Variants in ANKRD35 observed in about 807,000 individuals in gnomAD.
ANKRD35 encodes ankyrin repeat domain-containing protein 35.
Under a neutral mutation model 109.9 loss-of-function variants are expected in ANKRD35, and 102 were observed. The ratio of observed to expected loss-of-function variants is 0.93; its 90% CI spans 0.79 to 1.09. The LOEUF (loss-of-function observed/expected upper bound fraction) is 1.09, where lower values mean the gene tolerates loss of function less well. ANKRD35 is among the 50% of genes least tolerant of loss of function. The pLI is 0.00. For missense variants in ANKRD35, 1,240 were observed against 1,230.1 expected (o/e 1.01, Z -0.12); for synonymous variants, 515 against 512.4 (o/e 1.01, Z -0.07).
chr1:145,867,902 G>C, intron 12 of ANKRD35, 89 bp downstream of exon 12: 1 of 1,291,858 alleles, frequency 7.7e-7, no homozygotes, highest in Non-Finnish European at 1.1e-6. Context: ...GTGTGTACAG[G>C]GACCCTGGAG....
At chr1:145,879,762 G>A (rs1383498036) in intron 1 of ANKRD35, among the ~76,000 whole-genome samples, 1 of 152,172 alleles carries the variant, frequency 6.6e-6, no homozygotes, top group Non-Finnish European at 1.5e-5. Flanking sequence ...TCTTGCTGGA[G>A]CAAATGGAAC....
chr1:145,871,163 T>C (rs1570794562), intron 10 of ANKRD35, among the ~76,000 whole-genome samples: 2 of 117,468 alleles, frequency 1.7e-5, no homozygotes, highest in Admixed American at 8.8e-5. Context: ...CTTTTTTTTT[T>C]TTTTTTTTTT....
Position 145,875,007 on chromosome 1 carries a change from C to A in ANKRD35, c.561-1G>T. 2.5e-6 allele frequency: 4 copies of A among 1,595,130 alleles called. No individual in the cohort carries two copies. Among genetic ancestry groups the A allele is most frequent in the Non-Finnish European group, 3.4e-6 (4 of 1,170,380 alleles). On this transcript the variant is annotated splice_acceptor_variant, in intron 7 of 13. Coordinates refer to ENST00000355594, the MANE Select transcript of ANKRD35 (RefSeq NM_144698.5). LOFTEE classifies it high-confidence loss of function. ...CTCACAGGCCAGGATCAAAGCCGAT[C>A]TGTGGGTTGAGACAAATCTGAGCAC...
intron 13 of ANKRD35, 126 bp downstream of exon 13, chr1:145,867,161 T>C: frequency 1.6e-6 from 1 of 636,056 alleles, no homozygotes; most frequent in Non-Finnish European, 2.8e-6. Flanking sequence ...TCAAATGCTC[T>C]ATGCCCCAAA....
chr1:145,873,016 CCTT>C lies in ANKRD35; in HGVS notation c.1750_1752del (p.Lys584del), dbSNP rs782067638. Reference sequence around the variant, plus strand: ...CCTTGAGCCCCAGGAACCCTTTTCTCCTTCTCTTCATCCTGTTTGATGCTCCCT... The same window carrying C: ...CCTTGAGCCCCAGGAACCCTTTTCTCCTCTTCATCCTGTTTGATGCTCCCT... On this transcript the variant is annotated inframe_deletion, in exon 10 of 14. Coordinates refer to ENST00000355594, the MANE Select transcript of ANKRD35 (RefSeq NM_144698.5). 6.8e-6 allele frequency: 11 copies of C among 1,610,884 alleles called. No individual in the cohort carries two copies. In the African/African-American group the frequency reaches 9.4e-5, roughly 14 times the overall value.
At position 145,876,229 on chromosome 1, in the gene ANKRD35, C is replaced by T; in HGVS notation, c.471G>A (p.Leu157=). Residue 157 remains leucine, a synonymous_variant, in exon 7 of 14, where the codon CTG becomes CTA. Transcript: ENST00000355594. The part of the protein sequence containing the change: ...DVLDNDGRTP[L]MIASLGGHAA... The stretch of plus-strand genomic sequence containing the variant: ...CGTGCCCACCCAGCGATGCGATCAT[C>T]AGGGGTGTACGTCCATCCTGCACAG... The T allele has an allele frequency of 6.2e-7, 1 of 1,613,836 alleles. No homozygotes were observed. Among genetic ancestry groups the T allele is most frequent in the Non-Finnish European group, 8.5e-7 (1 of 1,179,886 alleles).
At chr1:145,869,640 G>A (rs1481720469) in intron 10 of ANKRD35, among the ~76,000 whole-genome samples, 6 of 151,682 alleles carry the variant, frequency 4.0e-5, no homozygotes, top group Admixed American at 1.3e-4. Flanking sequence ...GCTAATTTTT[G>A]TATTTTTTTG....
chr1:145,881,777 A>G (rs1654294828), intron 1 of ANKRD35, among the ~76,000 whole-genome samples: 1 of 152,158 alleles, frequency 6.6e-6, no homozygotes, highest in African/African-American at 2.4e-5. Context: ...TGTCTGTCAC[A>G]TAGTAGATGC....
chr1:145,872,639 T>G lies in ANKRD35; in HGVS notation c.2130A>C (p.Ala710=), dbSNP rs1259488016. The G allele has an allele frequency of 1.9e-6, 3 of 1,613,954 alleles. No homozygotes were observed. Among genetic ancestry groups the G allele is most frequent in the Non-Finnish European group, 2.5e-6 (3 of 1,179,988 alleles). ...GLRGLWDCLP[A]DLVGERSAQS... is the part of the protein sequence containing the mutation. ...GTGCACTCCTCTCGCCCACTAGGTC[T>G]GCGGGCAGGCAGTCCCACAGCCCTC... The change falls in exon 10 of 14, where the codon GCA becomes GCC. Residue 710 remains alanine (A), a synonymous_variant. Transcript: ENST00000355594.
chr1:145,868,324 G>T lies in ANKRD35; in HGVS notation c.2864C>A (p.Ala955Asp). The part of the protein sequence containing the change: ...LAIRGENARL[A>D]LQLQDSQKNH... ...GCCAAAACATACCTGCAGCTGCAGG[G>T]CAAGGCGAGCATTTTCTCCCCGAAT... Residue 955 changes from alanine (A) to aspartate (D), a missense_variant, in exon 11 of 14, where the codon GCC becomes GAC. Physicochemically the swap from Ala to Asp is moderately radical, Grantham distance 126 (BLOSUM62 -2). Transcript: ENST00000355594. 1 of 1,614,120 alleles carries T rather than the reference G, an allele frequency of 6.2e-7. No homozygotes were observed.
In ANKRD35 at chr1:145,873,892, G is replaced by A. The variant is rs2101708422; in HGVS notation, c.877C>T (p.Pro293Ser). ...TTCCACCTCCACTCCTCCGAGCACG[G>A]GTCTTCATCCTCCTTCTCCTCTTGC... ...EEQEEKEDED[P>S]CSEEWRWKYE... Residue 293 changes from proline (P) to serine (S), a missense_variant, in exon 10 of 14, where the codon CCG becomes TCG. Transcript: ENST00000355594. 6.2e-7 allele frequency: 1 copy of A among 1,614,150 alleles called. No individual in the cohort carries two copies. Among genetic ancestry groups the A allele is most frequent in the Non-Finnish European group, 8.5e-7 (1 of 1,180,028 alleles).
chr1:145,871,590 A>G (rs1195007948), intron 10 of ANKRD35, among the ~76,000 whole-genome samples: 1 of 152,174 alleles, frequency 6.6e-6, no homozygotes, highest in African/African-American at 2.4e-5. Context: ...TTAGTTCTTG[A>G]GTGACCTCCT....
intron 7 of ANKRD35, among the ~76,000 whole-genome samples, chr1:145,875,567 ACGGAGTCTCGCTC>A (rs1305175349): frequency 6.6e-6 from 1 of 150,644 alleles, no homozygotes; most frequent in African/African-American, 2.4e-5. Flanking sequence ...TTTTTTTGAG[ACGGAGTCTCGCTC>A]CTCTCTCGCC....
At chr1:145,876,368 A>G in intron 6 of ANKRD35, 122 bp from the exon 7 acceptor site, 1 of 1,156,444 alleles carries the variant, frequency 8.6e-7, no homozygotes. Flanking sequence ...TTGGGTCTGA[A>G]CACTCCCTTT....
intron 1 of ANKRD35, among the ~76,000 whole-genome samples, chr1:145,882,104 G>A (rs1358620399): frequency 7.4e-5 from 11 of 149,654 alleles, no homozygotes; most frequent in East Asian, 3.9e-4. Flanking sequence ...ACAGGCGCCC[G>A]CCACCACACC....
chr1:145,877,010 C>T (rs1308555322), intron 4 of ANKRD35, 137 bp from the exon 5 acceptor site: 2 of 803,458 alleles, frequency 2.5e-6, no homozygotes, highest in South Asian at 1.7e-5. Context: ...ATCTACTAGG[C>T]AAGCCCAGTT....
chr1:145,882,108 C>T (rs1439822366), intron 1 of ANKRD35, among the ~76,000 whole-genome samples: 7 of 151,112 alleles, frequency 4.6e-5, no homozygotes, highest in Non-Finnish European at 1.0e-4. Context: ...GCGCCCGCCA[C>T]CACACCCGGA....
At position 145,873,106 on chromosome 1, in the gene ANKRD35, G is replaced by A. The variant is rs1553739240; in HGVS notation, c.1663C>T (p.Leu555=). The part of the protein sequence containing the change: ...LARLEWAKAG[L]QVKPEVPSQE... The stretch of plus-strand genomic sequence containing the variant: ...GAAGGAACCTCAGGTTTCACCTGTA[G>A]TCCTGCCTTTGCCCATTCCAGCCTT... Residue 555 remains leucine, a synonymous_variant, in exon 10 of 14, where the codon CTA becomes TTA. Coordinates refer to ENST00000355594, the MANE Select transcript of ANKRD35 (RefSeq NM_144698.5). 1.9e-6 allele frequency: 3 copies of A among 1,613,840 alleles called. No homozygotes were observed. The highest frequency in any genetic ancestry group is 2.5e-6 in the Non-Finnish European group (3 of 1,179,900).
chr1:145,873,910 C>G lies in ANKRD35; in HGVS notation c.859G>C (p.Glu287Gln). 1 of 1,614,242 alleles carries G rather than the reference C, an allele frequency of 6.2e-7. No individual in the cohort carries two copies. The highest frequency in any genetic ancestry group is 1.7e-5 in the Admixed American group (1 of 60,024). Residue 287 changes from glutamate to glutamine, a missense_variant, in exon 10 of 14, where the codon GAG becomes CAG. Coordinates refer to ENST00000355594, the MANE Select transcript of ANKRD35 (RefSeq NM_144698.5). ...GAGCACGGGTCTTCATCCTCCTTCTCCTCTTGCTCCTCTTCAGGCTCTGCT... is the reference window on the plus strand; with the variant it reads ...GAGCACGGGTCTTCATCCTCCTTCTGCTCTTGCTCCTCTTCAGGCTCTGCT... Reference protein sequence around the residue: ...WRAEPEEEQEEKEDEDPCSEE... With the variant: ...WRAEPEEEQEQKEDEDPCSEE...
Sources: allele counts gnomAD v4.1 joint callset (sites outside exome capture counted in the v4.1 genomes callset), GRCh38; gene constraint gnomAD v4.1.1; transcripts MANE v1.5; gene names NCBI Gene and HGNC (gene_info 2026-07-23, HGNC 2026-07-21).